The following NAV2 variants were observed in gnomAD, a reference collection of about 807,000 sequenced individuals.
NAV2 encodes neuron navigator 2.
In NAV2, 54 loss-of-function variants were observed where a neutral mutation model predicts 223.2. The observed-to-expected ratio is 0.24, with a 90% CI of 0.19 to 0.30. NAV2 has a LOEUF of 0.30. NAV2 is among the 10% of genes least tolerant of loss of function. The pLI, the probability that NAV2 is intolerant of heterozygous loss-of-function variation, is 1.00. For missense variants in NAV2, 2,806 were observed against 3,147.5 expected (o/e 0.89, Z 2.60); for synonymous variants, 1,279 against 1,239.3 (o/e 1.03, Z -0.67).
intron 2 of NAV2, among the ~76,000 whole-genome samples, chr11:19,836,270 G>C (rs1180102961): frequency 6.6e-6 from 1 of 152,126 alleles, no homozygotes; most frequent in Non-Finnish European, 1.5e-5. Flanking sequence ...TAAAAGCTCC[G>C]ATCTGGGCCA....
intron 1 of NAV2, among the ~76,000 whole-genome samples, chr11:19,396,916 C>T (rs1849472067): frequency 6.6e-6 from 1 of 152,144 alleles, no homozygotes; most frequent in Non-Finnish European, 1.5e-5. Flanking sequence ...TGGTGGATTC[C>T]CTTAAAGTGA....
At chr11:19,981,791 T>TCAGTAG (rs2050311551) in intron 10 of NAV2, among the ~76,000 whole-genome samples, 1 of 152,208 alleles carries the variant, frequency 6.6e-6, no homozygotes, top group Non-Finnish European at 1.5e-5. Context: ...TACTCTACCC[T>TCAGTAG]GAGTCACTCT....
At chr11:19,966,735 G>A (rs1312110748) in intron 10 of NAV2, among the ~76,000 whole-genome samples, 2 of 152,180 alleles carry the variant, frequency 1.3e-5, no homozygotes, top group African/African-American at 4.8e-5. Context: ...GACATTGATG[G>A]TCTCCCTCCT....
At chr11:19,393,237 T>C (rs538337882) in intron 1 of NAV2, among the ~76,000 whole-genome samples, 2 of 152,212 alleles carry the variant, frequency 1.3e-5, no homozygotes, top group African/African-American at 4.8e-5. Context: ...GCCATGGGAA[T>C]GACACAGTAA....
intron 1 of NAV2, among the ~76,000 whole-genome samples, chr11:19,483,882 A>T (rs2042356964): frequency 6.6e-6 from 1 of 152,094 alleles, no homozygotes; most frequent in Non-Finnish European, 1.5e-5. Flanking sequence ...AGGTAAAATG[A>T]CATGCCCCAG....
At chr11:19,762,622 T>TC (rs2054854613) in intron 1 of NAV2, among the ~76,000 whole-genome samples, 1 of 148,956 alleles carries the variant, frequency 6.7e-6, no homozygotes, top group African/African-American at 2.5e-5. Context: ...TTTTTTTTTT[T>TC]TTTTTTTTTT....
At chr11:19,415,099 G>A (rs576341934) in intron 1 of NAV2, among the ~76,000 whole-genome samples, 80 of 152,218 alleles carry the variant, frequency 5.3e-4, no homozygotes, top group African/African-American at 1.7e-3. Context: ...TAAGATCAGA[G>A]CAGAAATGAA....
chr11:19,532,219 G>A (rs544663038), intron 1 of NAV2, among the ~76,000 whole-genome samples: 2 of 152,312 alleles, frequency 1.3e-5, no homozygotes, highest in South Asian at 4.1e-4. Flanking sequence ...CAGGGCTTTG[G>A]TCTGGGGACT....
At chr11:19,844,903 G>A (rs2060705713) in intron 3 of NAV2, among the ~76,000 whole-genome samples, 1 of 151,958 alleles carries the variant, frequency 6.6e-6, no homozygotes, top group African/African-American at 2.4e-5. Context: ...GGGTAGGGAG[G>A]CAGACACAGT....
At chr11:19,548,272 A>T (rs2044569022) in intron 1 of NAV2, among the ~76,000 whole-genome samples, 1 of 152,254 alleles carries the variant, frequency 6.6e-6, no homozygotes, top group Non-Finnish European at 1.5e-5. Context: ...GAGTAGTCAA[A>T]GGAAAATCAG....
chr11:19,966,079 C>T (rs890528184), intron 10 of NAV2, among the ~76,000 whole-genome samples: 3 of 152,210 alleles, frequency 2.0e-5, no homozygotes, highest in African/African-American at 4.8e-5. Context: ...GAAGCTGCCT[C>T]ACCTTTTATC....
At chr11:20,070,672 A>C (rs1410968177) in intron 22 of NAV2, among the ~76,000 whole-genome samples, 3 of 152,148 alleles carry the variant, frequency 2.0e-5, no homozygotes, top group Non-Finnish European at 4.4e-5. Context: ...TTCTAGGGCA[A>C]ACTACTCAAA....
At chr11:19,624,222 C>T (rs1396123457) in intron 1 of NAV2, among the ~76,000 whole-genome samples, 1 of 152,168 alleles carries the variant, frequency 6.6e-6, no homozygotes, top group Non-Finnish European at 1.5e-5. Flanking sequence ...GTCAGGGGCC[C>T]ACTGAGGAGG....
chr11:19,364,129 A>G (rs928820565), intron 1 of NAV2, among the ~76,000 whole-genome samples: 2 of 152,112 alleles, frequency 1.3e-5, no homozygotes, highest in Non-Finnish European at 2.9e-5. Context: ...GCCAGCCCCC[A>G]TCCTGAACCT....
intron 2 of NAV2, among the ~76,000 whole-genome samples, chr11:19,835,640 G>A (rs1437407756): frequency 3.3e-5 from 5 of 151,780 alleles, no homozygotes; most frequent in Admixed American, 6.6e-5. Flanking sequence ...AAAAGAAAAT[G>A]TAAAAATATA....
rs111654825 is a variant in NAV2, at chr11:19,994,848, T to C, written c.2768+10601T>C. 2.1e-3 allele frequency among the ~76,000 whole-genome samples: 324 copies of C among 152,310 alleles called. 1 individual carries two copies. Among genetic ancestry groups the C allele is most frequent in the African/African-American group, 7.3e-3 (302 of 41,556 alleles). On this transcript the variant is annotated intron_variant, in intron 11 of 37. Transcript: ENST00000349880. ...CAGATAGAAGCTTTCAATGTCAAGGTTGGGTTTGTTCAGAATCATCAATTG... is the reference window on the plus strand; with the variant it reads ...CAGATAGAAGCTTTCAATGTCAAGGCTGGGTTTGTTCAGAATCATCAATTG...
At chr11:19,567,099 C>T (rs530763649) in intron 1 of NAV2, among the ~76,000 whole-genome samples, 3 of 152,320 alleles carry the variant, frequency 2.0e-5, no homozygotes, top group East Asian at 1.9e-4. Context: ...TTTCTGTCTC[C>T]ACCATGTTCC....
intron 1 of NAV2, among the ~76,000 whole-genome samples, chr11:19,637,408 T>C (rs548266087): frequency 6.6e-6 from 1 of 152,304 alleles, no homozygotes; most frequent in East Asian, 1.9e-4. Flanking sequence ...CATGAATCCC[T>C]GACATATTTC....
intron 1 of NAV2, among the ~76,000 whole-genome samples, chr11:19,533,303 C>A (rs1406660600): frequency 6.6e-6 from 1 of 152,014 alleles, no homozygotes; most frequent in Admixed American, 6.6e-5. Flanking sequence ...TCGGCCTCTA[C>A]CTACTAGATG....
Sources: allele counts gnomAD v4.1 joint callset (sites outside exome capture counted in the v4.1 genomes callset), GRCh38; gene constraint gnomAD v4.1.1; transcripts MANE v1.5; gene names NCBI Gene and HGNC (gene_info 2026-07-23, HGNC 2026-07-21).